The following KCNH1 variants were observed in gnomAD, a reference collection of about 807,000 sequenced individuals.
KCNH1 encodes the protein voltage-gated delayed rectifier potassium channel KCNH1.
A neutral mutation model predicts 69.2 loss-of-function variants in KCNH1; 27 were observed. The ratio of observed to expected loss-of-function variants is 0.39; its 90% CI spans 0.29 to 0.54. The LOEUF is 0.54. Ranked by LOEUF, KCNH1 falls within the 20% of genes least tolerant of loss-of-function variation. The probability of loss-of-function intolerance (pLI) is 0.68; values close to 1 mark genes in which losing one functional copy is unlikely to be tolerated. For synonymous variants in KCNH1, 456 were observed against 487.7 expected (o/e 0.93, Z 0.86); for missense variants, 798 against 1,261.6 (o/e 0.63, Z 5.57).
intron 7 of KCNH1, among the ~76,000 whole-genome samples, chr1:210,804,656 C>G (rs1684497493): frequency 6.6e-6 from 1 of 152,126 alleles, no homozygotes; most frequent in Non-Finnish European, 1.5e-5. Flanking sequence ...CTGCCAAGGA[C>G]AGGATGGTGA....
chr1:210,785,684 A>G (rs1177703824), intron 9 of KCNH1, among the ~76,000 whole-genome samples: 2 of 152,134 alleles, frequency 1.3e-5, no homozygotes. Context: ...CCCATTCCTG[A>G]TATGTCTCTC....
intron 4 of KCNH1, among the ~76,000 whole-genome samples, chr1:211,086,441 G>T (rs1332188764): frequency 1.3e-5 from 2 of 152,172 alleles, no homozygotes; most frequent in Non-Finnish European, 2.9e-5. Flanking sequence ...TCACCAGCAA[G>T]TTAGGCATAA....
chr1:210,718,233 TAA>T (rs1483704315), intron 10 of KCNH1, among the ~76,000 whole-genome samples: 1 of 128,054 alleles, frequency 7.8e-6, no homozygotes, highest in Non-Finnish European at 1.5e-5. Context: ...ATTATATATA[TAA>T]AAAGTACTAA....
chr1:210,934,553 C>T (rs1454244011), intron 6 of KCNH1, among the ~76,000 whole-genome samples: 2 of 152,002 alleles, frequency 1.3e-5, no homozygotes, highest in Non-Finnish European at 1.5e-5. Flanking sequence ...GCAGAAGAAT[C>T]GCTTGAAACC....
chr1:211,110,144 A>T (rs1311847513), intron 1 of KCNH1, among the ~76,000 whole-genome samples: 1 of 152,150 alleles, frequency 6.6e-6, no homozygotes, highest in Non-Finnish European at 1.5e-5. Flanking sequence ...TTAAAACAAT[A>T]AAATGTGAGT....
chr1:210,903,464 C>G (rs960855330), intron 7 of KCNH1, among the ~76,000 whole-genome samples: 17 of 152,152 alleles, frequency 1.1e-4, no homozygotes, highest in African/African-American at 4.1e-4. Context: ...TCCTACCACT[C>G]ACTCTAAGCA....
intron 9 of KCNH1, among the ~76,000 whole-genome samples, chr1:210,796,857 C>A (rs1159621822): frequency 2.0e-5 from 3 of 152,138 alleles, no homozygotes; most frequent in Admixed American, 2.0e-4. Flanking sequence ...CAACTACTGT[C>A]ATCTTTCTAA....
At chr1:210,718,614 A>ATG (rs1682360557) in intron 10 of KCNH1, among the ~76,000 whole-genome samples, 1 of 84,494 alleles carries the variant, frequency 1.2e-5, no homozygotes, top group African/African-American at 6.1e-5. Context: ...ATAAAATTAT[A>ATG]TGTATGTGTG....
chr1:210,811,206 C>T (rs1684694193), intron 7 of KCNH1, among the ~76,000 whole-genome samples: 5 of 152,202 alleles, frequency 3.3e-5, no homozygotes, highest in South Asian at 2.1e-4. Context: ...AACCAGGTTT[C>T]ATGAATATCA....
Position 210,944,433 on chromosome 1 carries a change from G to A in KCNH1, c.1033-24364C>T, listed in dbSNP as rs114855034. ...AGCTCCCCAGGCCAGAAAGCAGACG[G>A]CCAAAGGAAGCTGCCAAGGGGTGGG... On this transcript the variant is annotated intron_variant, in intron 6 of 10. Transcript: ENST00000271751. 5.2e-3 allele frequency among the ~76,000 whole-genome samples: 788 copies of A among 152,314 alleles called. 7 individuals carry two copies. Among genetic ancestry groups the A allele is most frequent in the African/African-American group, 0.018 (754 of 41,570 alleles).
rs1690002387 is a variant in KCNH1 at position 211,041,883 on chromosome 1, T to C, written c.559-22627A>G. 2.6e-5 allele frequency among the ~76,000 whole-genome samples: 4 copies of C among 152,212 alleles called. 1 individual carries two copies. The South Asian group carries it at 8.3e-4, about 32-fold the overall frequency. On this transcript the variant is annotated intron_variant, in intron 5 of 10. Coordinates refer to ENST00000271751, the MANE Select transcript of KCNH1 (RefSeq NM_172362.3). Reference sequence around the variant, plus strand: ...GATTCTCGTGCCTGAGCCTCCTGAGTAGCTGAGATTACAGATGCATGCCAA... The same window carrying C: ...GATTCTCGTGCCTGAGCCTCCTGAGCAGCTGAGATTACAGATGCATGCCAA...
chr1:210,935,210 G>A (rs1471369299), intron 6 of KCNH1, among the ~76,000 whole-genome samples: 2 of 149,854 alleles, frequency 1.3e-5, no homozygotes, highest in Non-Finnish European at 3.0e-5. Flanking sequence ...CCTGCCATTT[G>A]CAGGATGACA....
Position 210,679,326 on chromosome 1 carries a change from G to A in KCNH1, c.*3955C>T, listed in dbSNP as rs1574174000. ...GGTGATAAGGGAGGAGAGAGGAAGG[G>A]GCATTGGCAGCTCTATCACAGCTGG... is the stretch of plus-strand genomic sequence containing the variant. On this transcript the variant is annotated 3_prime_UTR_variant, in exon 11 of 11. Transcript: ENST00000271751. The A allele has an allele frequency of 6.6e-6, 1 of 152,122 alleles. No homozygotes were observed. Among genetic ancestry groups the A allele is most frequent in the Non-Finnish European group, 1.5e-5 (1 of 68,044 alleles). The allele number at this position is 152,122 out of a possible 1,614,324, so 9.4% of individuals were successfully genotyped here. A position where few individuals can be genotyped will look rare whatever the true frequency, so the allele number is the denominator to read the frequency against.
chr1:210,832,086 TTC>T (rs1685173228), intron 7 of KCNH1, among the ~76,000 whole-genome samples: 1 of 152,188 alleles, frequency 6.6e-6, no homozygotes, highest in East Asian at 1.9e-4. Flanking sequence ...TCTTCCCTTT[TTC>T]AGATAAACAG....
At chr1:211,125,939 A>G (rs985405764) in intron 1 of KCNH1, among the ~76,000 whole-genome samples, 6 of 152,256 alleles carry the variant, frequency 3.9e-5, no homozygotes, top group Non-Finnish European at 8.8e-5. Flanking sequence ...GACTATTGGC[A>G]TAACTCTGTA....
chr1:210,691,842 A>G (rs1681534246), intron 10 of KCNH1, among the ~76,000 whole-genome samples: 1 of 152,214 alleles, frequency 6.6e-6, no homozygotes, highest in South Asian at 2.1e-4. Flanking sequence ...GGTAAAAAAG[A>G]GGGCTAGCAA....
At chr1:211,102,505 C>T (rs1193147589) in intron 3 of KCNH1, among the ~76,000 whole-genome samples, 3 of 152,148 alleles carry the variant, frequency 2.0e-5, no homozygotes, top group South Asian at 2.1e-4. Flanking sequence ...AGTGTGAAAG[C>T]TTTGGTAACA....
intron 7 of KCNH1, among the ~76,000 whole-genome samples, chr1:210,869,382 G>A (rs541892210): frequency 6.6e-6 from 1 of 152,018 alleles, no homozygotes; most frequent in South Asian, 2.1e-4. Flanking sequence ...CCAGTGATAT[G>A]CATATTTACA....
chr1:211,036,307 T>C (rs542438407), intron 5 of KCNH1, among the ~76,000 whole-genome samples: 1 of 152,308 alleles, frequency 6.6e-6, no homozygotes, highest in East Asian at 1.9e-4. Context: ...TTCAGCTCCT[T>C]GATACTATCT....
Sources: allele counts gnomAD v4.1 joint callset (sites outside exome capture counted in the v4.1 genomes callset), GRCh38; gene constraint gnomAD v4.1.1; transcripts MANE v1.5; gene names NCBI Gene and HGNC (gene_info 2026-07-23, HGNC 2026-07-21).